SSH2: variants seen among roughly 807,000 people sequenced by gnomAD.
SSH2 encodes the protein slingshot protein phosphatase 2, also known as protein phosphatase Slingshot homolog 2.
SSH2 carries 37 observed loss-of-function variants against 135.2 expected under a neutral mutation model. The ratio of observed to expected loss-of-function variants is 0.27; its 90% CI spans 0.21 to 0.36. The LOEUF is 0.36. Among genes scored for constraint, SSH2 ranks in the 10% least tolerant of loss-of-function variants. The pLI is 1.00. For synonymous variants in SSH2, 628 were observed against 646.2 expected, an observed-to-expected ratio of 0.97 and a Z score of 0.43; for missense variants, 1,408 against 1,765.3, an observed-to-expected ratio of 0.80 and a Z score of 3.63.
At chr17:29,681,430 C>A (rs1038856242) in intron 6 of SSH2, among the ~76,000 whole-genome samples, 16 of 148,096 alleles carry the variant, frequency 1.1e-4, no homozygotes, top group Non-Finnish European at 2.2e-4. Context: ...ATCCAGGTTA[C>A]CTCAGTCTCT....
chr17:29,835,241 G>A (rs2042923168), intron 2 of SSH2, among the ~76,000 whole-genome samples: 1 of 152,168 alleles, frequency 6.6e-6, no homozygotes, highest in Non-Finnish European at 1.5e-5. Flanking sequence ...TTTCTTTGGG[G>A]CAAAAAGAAT....
intron 3 of SSH2, among the ~76,000 whole-genome samples, chr17:29,708,589 CA>C (rs61012646): frequency 0.92 from 90,598 of 98,996 alleles, 41,222 homozygotes; most frequent in East Asian, 0.94. Flanking sequence ...AACTCTGCTT[CA>C]AAAAAAAAAA....
intron 2 of SSH2, among the ~76,000 whole-genome samples, chr17:29,796,780 TC>T (rs1461243995): frequency 4.6e-5 from 7 of 152,100 alleles, no homozygotes; most frequent in Non-Finnish European, 7.4e-5. Context: ...TAATTAGAAT[TC>T]AGTATTTCTT....
intron 1 of SSH2, among the ~76,000 whole-genome samples, chr17:29,875,318 T>C (rs2066008551): frequency 6.6e-6 from 1 of 152,240 alleles, no homozygotes; most frequent in Admixed American, 6.5e-5. Flanking sequence ...GAGTGATCCC[T>C]GACCCTTTGC....
intron 6 of SSH2, among the ~76,000 whole-genome samples, chr17:29,680,943 T>C (rs1428296421): frequency 6.6e-6 from 1 of 152,114 alleles, no homozygotes; most frequent in Non-Finnish European, 1.5e-5. Context: ...GTGTGATCTA[T>C]AAGCTTGTGA....
At chr17:29,655,660 T>C (rs2036752167) in intron 11 of SSH2, 53 bp from the exon 12 acceptor site, 2 of 1,522,682 alleles carry the variant, frequency 1.3e-6, no homozygotes, top group Non-Finnish European at 1.8e-6. Context: ...AACCAAACAA[T>C]ACTTGAAAAG....
chr17:29,730,841 A>T (rs908249035), intron 3 of SSH2, among the ~76,000 whole-genome samples: 10 of 152,212 alleles, frequency 6.6e-5, no homozygotes, highest in Admixed American at 6.5e-5. Context: ...TTAAAATTTT[A>T]AAAAGATATG....
At chr17:29,747,756 A>G (rs1468595318) in intron 3 of SSH2, among the ~76,000 whole-genome samples, 1 of 152,222 alleles carries the variant, frequency 6.6e-6, no homozygotes, top group Non-Finnish European at 1.5e-5. Context: ...CATCTACATC[A>G]CTGTTCTTTA....
chr17:29,815,993 C>A (rs576721712), intron 2 of SSH2, among the ~76,000 whole-genome samples: 17 of 151,904 alleles, frequency 1.1e-4, no homozygotes, highest in African/African-American at 4.1e-4. Context: ...GGACTACAGG[C>A]GCGCACCACC....
intron 3 of SSH2, among the ~76,000 whole-genome samples, chr17:29,767,106 C>T (rs2041464398): frequency 6.6e-6 from 1 of 152,168 alleles, no homozygotes; most frequent in Non-Finnish European, 1.5e-5. Flanking sequence ...ACTTTTCCTC[C>T]ATAAGAGCAA....
At chr17:29,657,663 T>C (rs1420997648) in intron 11 of SSH2, among the ~76,000 whole-genome samples, 1 of 136,542 alleles carries the variant, frequency 7.3e-6, no homozygotes, top group Non-Finnish European at 1.6e-5. Context: ...CTTGAACTCC[T>C]GGGCTCAAAC....
At chr17:29,917,594 C>T (rs989465779) in intron 1 of SSH2, among the ~76,000 whole-genome samples, 2 of 152,156 alleles carry the variant, frequency 1.3e-5, no homozygotes, top group Non-Finnish European at 2.9e-5. Flanking sequence ...ACACAAATTG[C>T]AATGATTCAA....
chr17:29,887,265 G>C (rs1252706470), intron 1 of SSH2, among the ~76,000 whole-genome samples: 2 of 152,180 alleles, frequency 1.3e-5, no homozygotes, highest in East Asian at 3.8e-4. Context: ...AGCAGGCATA[G>C]AAATTTTTGT....
intron 3 of SSH2, among the ~76,000 whole-genome samples, chr17:29,750,061 T>A (rs1478277164): frequency 1.3e-5 from 2 of 151,994 alleles, no homozygotes; most frequent in African/African-American, 4.8e-5. Context: ...ACAATAACTT[T>A]ATCTTACAGT....
At chr17:29,800,854 C>A (rs1165855787) in intron 2 of SSH2, among the ~76,000 whole-genome samples, 1 of 149,286 alleles carries the variant, frequency 6.7e-6, no homozygotes. Context: ...ACCATTAAGT[C>A]TTTTTTTCTT....
intron 3 of SSH2, chr17:29,777,515 A>G (rs935278107): frequency 6.6e-6 from 1 of 152,224 alleles, no homozygotes; most frequent in African/African-American, 2.4e-5. Flanking sequence ...GCACAATTCC[A>G]TGGTACCTAC....
chr17:29,779,810 C>A (rs77230978), intron 3 of SSH2, among the ~76,000 whole-genome samples: 493 of 19,552 alleles, frequency 0.025, 10 homozygotes, highest in East Asian at 0.053. Flanking sequence ...GACTCTGTCT[C>A]AAAAAAAAAA....
chr17:29,913,353 TATATA>T (rs1567650060), intron 1 of SSH2, among the ~76,000 whole-genome samples: 30 of 28,594 alleles, frequency 1.0e-3, no homozygotes, highest in African/African-American at 1.9e-3. Flanking sequence ...AAAAAATATA[TATATA>T]TATATATATA....
Position 29,631,313 on chromosome 17 carries a change from T to C in SSH2, c.3881A>G (p.Asp1294Gly), listed in dbSNP as rs763034344. 3.7e-6 allele frequency: 6 copies of C among 1,614,048 alleles called. No homozygotes were observed. The highest frequency in any genetic ancestry group is 4.2e-6 in the Non-Finnish European group (5 of 1,179,998). The change falls in exon 16 of 16, where the codon GAC becomes GGC. Residue 1294 changes from aspartate to glycine, a missense_variant. Asp to Gly is a moderately conservative substitution (Grantham distance 94, BLOSUM62 -1). Around this residue, in one of 3 missense-constraint regions of SSH2, gnomAD observed 1,080 missense variants for 1,144.5 expected, o/e 0.94. Coordinates refer to ENST00000540801, the MANE Select transcript of SSH2 (RefSeq NM_001282129.2). ...SASLAKLGYL[D>G]LCKDCLPERE... ...CTCTGGTAAGCAGTCTTTACAGAGG[T>C]CCAAGTAACCTAATTTGGCGAGAGA...
Sources: gnomAD v4.1 joint callset for allele counts (sites outside exome capture counted in the v4.1 genomes callset) on GRCh38, gnomAD v4.1.1 for gene constraint, gnomAD v4.1.1 regional missense constraint, MANE v1.5 for transcripts, NCBI Gene and HGNC (gene_info 2026-07-23, HGNC 2026-07-21) for gene names.